UBE2D2: variants seen among roughly 807,000 people sequenced by gnomAD.
UBE2D2 encodes the protein ubiquitin conjugating enzyme E2 D2.
Under a neutral mutation model 24.2 loss-of-function variants are expected in UBE2D2, and 2 were observed. The ratio of observed to expected loss-of-function variants is 0.08; its 90% CI spans 0.03 to 0.26. UBE2D2 has a LOEUF of 0.26. UBE2D2 is among the 10% of genes least tolerant of loss of function. UBE2D2 has a pLI of 1.00. For missense variants in UBE2D2, 44 were observed against 177.6 expected (o/e 0.25, Z 4.28); for synonymous variants, 58 against 56.5 (o/e 1.03, Z -0.12).
chr5:139,607,063 C>G (rs1167649497), intron 2 of UBE2D2, among the ~76,000 whole-genome samples: 1 of 152,216 alleles, frequency 6.6e-6, no homozygotes. Flanking sequence ...CCCGGCCTCC[C>G]AAAGTGCTGG....
chr5:139,615,725 A>G (rs1472792770), intron 5 of UBE2D2, among the ~76,000 whole-genome samples: 3 of 152,156 alleles, frequency 2.0e-5, no homozygotes, highest in African/African-American at 7.2e-5. Flanking sequence ...TTCTGTATCA[A>G]TGAACTGAGT....
At chr5:139,534,042 A>G (rs1012211269) in intron 1 of UBE2D2, among the ~76,000 whole-genome samples, 3 of 151,812 alleles carry the variant, frequency 2.0e-5, no homozygotes, top group Admixed American at 1.3e-4. Context: ...CAGCCTCTCA[A>G]AGTGCTGGGA....
At chr5:139,588,844 C>A (rs535985217) in intron 1 of UBE2D2, among the ~76,000 whole-genome samples, 12 of 152,220 alleles carry the variant, frequency 7.9e-5, no homozygotes, top group Non-Finnish European at 8.8e-5. Flanking sequence ...CTCATTGCAG[C>A]CTCGACCTCC....
intron 5 of UBE2D2, among the ~76,000 whole-genome samples, chr5:139,615,343 G>A (rs1280159886): frequency 6.6e-6 from 1 of 152,116 alleles, no homozygotes; most frequent in Non-Finnish European, 1.5e-5. Flanking sequence ...AAATTAGCTG[G>A]GCATGGTGGC....
chr5:139,562,917 C>T (rs938727175), intron 1 of UBE2D2, among the ~76,000 whole-genome samples: 3 of 152,060 alleles, frequency 2.0e-5, no homozygotes, highest in African/African-American at 7.2e-5. Context: ...CTATATTAAA[C>T]CGGTAGCTAC....
chr5:139,541,270 C>A (rs1752757374), intron 1 of UBE2D2, among the ~76,000 whole-genome samples: 1 of 151,438 alleles, frequency 6.6e-6, no homozygotes, highest in Non-Finnish European at 1.5e-5. Context: ...TGTACTCCAG[C>A]CTGGGCCACA....
At chr5:139,588,275 G>T (rs375874942) in intron 1 of UBE2D2, among the ~76,000 whole-genome samples, 2,211 of 149,462 alleles carry the variant, frequency 0.015, 30 homozygotes, top group Middle Eastern at 0.065. Context: ...GTTTTGTTTT[G>T]TTTTGAGACA....
intron 6 of UBE2D2, 186 bp downstream of exon 6, chr5:139,623,647 C>G: frequency 2.2e-6 from 1 of 448,990 alleles, no homozygotes. Context: ...CCAGTCTTAT[C>G]CCTGATTGTT....
intron 2 of UBE2D2, 73 bp downstream of exon 2, chr5:139,600,508 T>C: frequency 6.7e-7 from 1 of 1,501,442 alleles, no homozygotes; most frequent in Non-Finnish European, 9.2e-7. Context: ...AATTATGGTA[T>C]AGGGAAGAGG....
intron 1 of UBE2D2, among the ~76,000 whole-genome samples, chr5:139,573,936 G>T (rs1004428623): frequency 6.6e-6 from 1 of 151,578 alleles, no homozygotes; most frequent in Admixed American, 6.6e-5. Context: ...ACGCCACTGC[G>T]CTCCAGCCTG....
At chr5:139,585,677 C>T (rs1156450884) in intron 1 of UBE2D2, among the ~76,000 whole-genome samples, 1 of 152,030 alleles carries the variant, frequency 6.6e-6, no homozygotes, top group Non-Finnish European at 1.5e-5. Flanking sequence ...CATTTGAGTG[C>T]CTCTAATGTT....
At chr5:139,561,995 C>G in intron 1 of UBE2D2, 180 bp downstream of exon 1, 1 of 973,562 alleles carries the variant, frequency 1.0e-6, no homozygotes, top group Middle Eastern at 3.3e-4. Context: ...CGGCGCGCAG[C>G]CCGCGCTTAG....
intron 1 of UBE2D2, among the ~76,000 whole-genome samples, chr5:139,552,832 G>A (rs1387064889): frequency 6.6e-6 from 1 of 151,810 alleles, no homozygotes; most frequent in Admixed American, 6.6e-5. Flanking sequence ...ACAGGCATGC[G>A]CTACCATGCC....
At chr5:139,582,758 C>T (rs1225098126) in intron 1 of UBE2D2, among the ~76,000 whole-genome samples, 4 of 150,536 alleles carry the variant, frequency 2.7e-5, no homozygotes, top group Non-Finnish European at 5.9e-5. Flanking sequence ...GCAAACTCCA[C>T]CTCCTGGGTT....
chr5:139,551,197 T>G (rs1280557760), intron 1 of UBE2D2, among the ~76,000 whole-genome samples: 1 of 152,000 alleles, frequency 6.6e-6, no homozygotes, highest in Non-Finnish European at 1.5e-5. Flanking sequence ...TTACAAAAAA[T>G]TAGCTGGATG....
At chr5:139,558,274 C>T (rs1463779838), upstream of UBE2D2, among the ~76,000 whole-genome samples, 2 of 151,964 alleles carry the variant, frequency 1.3e-5, no homozygotes, top group Admixed American at 1.3e-4. Flanking sequence ...GGAAAATTCA[C>T]GATATATTGT....
At chr5:139,536,145 G>A (rs1203512873) in intron 1 of UBE2D2, among the ~76,000 whole-genome samples, 1 of 151,370 alleles carries the variant, frequency 6.6e-6, no homozygotes, top group Non-Finnish European at 1.5e-5. Flanking sequence ...TGTTGCCCAG[G>A]CTAGAGTGCA....
At chr5:139,573,558 C>T (rs991376718) in intron 1 of UBE2D2, among the ~76,000 whole-genome samples, 18 of 152,088 alleles carry the variant, frequency 1.2e-4, no homozygotes, top group Non-Finnish European at 2.4e-4. Flanking sequence ...TATTAATTAT[C>T]CCATCATGGA....
At chr5:139,530,569 A>C (rs1030576853) in intron 1 of UBE2D2, among the ~76,000 whole-genome samples, 12 of 152,238 alleles carry the variant, frequency 7.9e-5, no homozygotes, top group African/African-American at 1.4e-4. Flanking sequence ...ATTACTAATA[A>C]AACCGGTCAA....
Sources: allele counts gnomAD v4.1 joint callset (sites outside exome capture counted in the v4.1 genomes callset), GRCh38; gene constraint gnomAD v4.1.1; transcripts MANE v1.5; gene names NCBI Gene and HGNC (gene_info 2026-07-23, HGNC 2026-07-21).